Variants in TRABD2B observed in about 807,000 individuals in gnomAD.
TRABD2B encodes the protein metalloprotease TIKI2.
Under a neutral mutation model 40.1 loss-of-function variants are expected in TRABD2B, and 14 were observed. That is an observed-to-expected ratio of 0.35 (90% CI 0.23 to 0.55). The LOEUF (loss-of-function observed/expected upper bound fraction) is 0.55. Ranked by LOEUF, TRABD2B falls within the 20% of genes least tolerant of loss-of-function variation. The pLI is 0.90. For synonymous variants in TRABD2B, 263 were observed against 277.0 expected, an observed-to-expected ratio of 0.95 and a Z score of 0.50; for missense variants, 541 against 648.6, an observed-to-expected ratio of 0.83 and a Z score of 1.80.
At chr1:47,829,204 G>C (rs1645216792) in intron 2 of TRABD2B, among the ~76,000 whole-genome samples, 1 of 152,120 alleles carries the variant, frequency 6.6e-6, no homozygotes, top group Non-Finnish European at 1.5e-5. Flanking sequence ...TATCCCAGGG[G>C]ACAAGAAGGA....
chr1:47,915,946 C>T (rs1484552646), intron 2 of TRABD2B, among the ~76,000 whole-genome samples: 3 of 152,148 alleles, frequency 2.0e-5, no homozygotes, highest in Admixed American at 6.5e-5. Flanking sequence ...CATTGCTGGC[C>T]CCTGTGGCTC....
chr1:47,939,499 G>A (rs1645157512), intron 2 of TRABD2B, among the ~76,000 whole-genome samples: 1 of 152,170 alleles, frequency 6.6e-6, no homozygotes, highest in African/African-American at 2.4e-5. Context: ...TTTGCCAGGT[G>A]CCATGTTCTC....
chr1:47,888,341 G>A (rs1644400555), intron 2 of TRABD2B, among the ~76,000 whole-genome samples: 1 of 152,204 alleles, frequency 6.6e-6, no homozygotes, highest in African/African-American at 2.4e-5. Context: ...CTTTCTGTTT[G>A]GAGGGAGGCC....
chr1:47,833,452 C>T (rs1445507271), intron 2 of TRABD2B, among the ~76,000 whole-genome samples: 1 of 152,218 alleles, frequency 6.6e-6, no homozygotes, highest in Non-Finnish European at 1.5e-5. Context: ...GTTAAGATAA[C>T]CATGACCCTG....
At chr1:47,946,906 A>G (rs997528567) in intron 2 of TRABD2B, among the ~76,000 whole-genome samples, 5 of 151,624 alleles carry the variant, frequency 3.3e-5, no homozygotes, top group Non-Finnish European at 2.9e-5. Context: ...CAATAGCTCA[A>G]GGTGATGAAA....
At chr1:47,898,680 A>C (rs1435546325) in intron 2 of TRABD2B, among the ~76,000 whole-genome samples, 1 of 152,180 alleles carries the variant, frequency 6.6e-6, no homozygotes, top group Non-Finnish European at 1.5e-5. Flanking sequence ...TATAGCCTTG[A>C]TCTCTCCCAC....
At chr1:47,971,004 G>A (rs761317784) in intron 2 of TRABD2B, among the ~76,000 whole-genome samples, 1 of 152,198 alleles carries the variant, frequency 6.6e-6, no homozygotes, top group Non-Finnish European at 1.5e-5. Context: ...TACATCACTG[G>A]AGGCTGGGGG....
At chr1:47,767,283 C>T (rs1188752272) in intron 6 of TRABD2B, among the ~76,000 whole-genome samples, 1 of 152,182 alleles carries the variant, frequency 6.6e-6, no homozygotes, top group African/African-American at 2.4e-5. Context: ...GAGGAGCCCA[C>T]AAGCCCCGTC....
At chr1:47,944,702 G>C (rs1360886578) in intron 2 of TRABD2B, among the ~76,000 whole-genome samples, 1 of 152,184 alleles carries the variant, frequency 6.6e-6, no homozygotes, top group Admixed American at 6.5e-5. Context: ...CTGTTAGCTG[G>C]AAGTCTGCCA....
chr1:47,924,443 T>G (rs1644945045), intron 2 of TRABD2B, among the ~76,000 whole-genome samples: 1 of 152,088 alleles, frequency 6.6e-6, no homozygotes, highest in Admixed American at 6.5e-5. Context: ...CATGGTCCCT[T>G]AAGGAATTCA....
At chr1:47,942,231 A>T (rs1277786334) in intron 2 of TRABD2B, among the ~76,000 whole-genome samples, 2 of 152,096 alleles carry the variant, frequency 1.3e-5, no homozygotes, top group African/African-American at 4.8e-5. Flanking sequence ...CCCATTCAGG[A>T]TGTCACGTTC....
intron 2 of TRABD2B, among the ~76,000 whole-genome samples, chr1:47,850,296 C>G (rs1403383025): frequency 6.6e-6 from 1 of 152,208 alleles, no homozygotes; most frequent in Non-Finnish European, 1.5e-5. Flanking sequence ...TTCTCACAGT[C>G]TGTGCTATCT....
intron 2 of TRABD2B, among the ~76,000 whole-genome samples, chr1:47,985,292 T>G (rs1214182292): frequency 2.0e-5 from 3 of 152,242 alleles, no homozygotes; most frequent in Admixed American, 2.0e-4. Flanking sequence ...GACTGACTTT[T>G]GGTTCTGAAG....
At chr1:47,879,661 T>C (rs1257279540) in intron 2 of TRABD2B, among the ~76,000 whole-genome samples, 2 of 152,278 alleles carry the variant, frequency 1.3e-5, no homozygotes, top group Admixed American at 1.3e-4. Flanking sequence ...ATTTTTATAT[T>C]ATTTGTACTT....
At chr1:47,954,875 A>G (rs1015273134) in intron 2 of TRABD2B, among the ~76,000 whole-genome samples, 1 of 151,970 alleles carries the variant, frequency 6.6e-6, no homozygotes. Context: ...AACTTCTGTC[A>G]TTGGTCTCCT....
intron 2 of TRABD2B, among the ~76,000 whole-genome samples, chr1:47,991,773 A>G (rs751850778): frequency 3.9e-5 from 6 of 152,234 alleles, no homozygotes; most frequent in Non-Finnish European, 7.3e-5. Context: ...CTGCGAGGAA[A>G]GAAAAAATAA....
At chr1:47,830,038 G>C (rs7525331) in intron 2 of TRABD2B, among the ~76,000 whole-genome samples, 1 of 151,572 alleles carries the variant, frequency 6.6e-6, no homozygotes, top group Non-Finnish European at 1.5e-5. Context: ...AATTCCATCC[G>C]TCCTTAGAAT....
chr1:47,961,420 C>G (rs187501638), intron 2 of TRABD2B, among the ~76,000 whole-genome samples: 1 of 152,318 alleles, frequency 6.6e-6, no homozygotes, highest in East Asian at 1.9e-4. Flanking sequence ...CCAGAGTGAA[C>G]AGGCAACCTA....
intron 6 of TRABD2B, among the ~76,000 whole-genome samples, chr1:47,773,827 G>A (rs1436217217): frequency 1.3e-5 from 2 of 152,196 alleles, no homozygotes; most frequent in Non-Finnish European, 2.9e-5. Context: ...TGAAACCAAT[G>A]CCCAAAGGAT....
Sources: gnomAD v4.1 joint callset for allele counts (sites outside exome capture counted in the v4.1 genomes callset) on GRCh38, gnomAD v4.1.1 for gene constraint, MANE v1.5 for transcripts, NCBI Gene and HGNC (gene_info 2026-07-23, HGNC 2026-07-21) for gene names.